Variants in DNMT3A observed in about 807,000 individuals in gnomAD.
DNMT3A encodes the protein DNA methyltransferase 3 alpha, also known as DNA (cytosine-5)-methyltransferase 3A.
In DNMT3A, 267 loss-of-function variants were observed where a neutral mutation model predicts 117.6. The observed-to-expected ratio is 2.27, with a 90% confidence interval of 2.05 to 2.51. The LOEUF (loss-of-function observed/expected upper bound fraction) is 2.51. Ranked by LOEUF, DNMT3A falls within the 30% of genes most tolerant of loss-of-function variation. The probability of loss-of-function intolerance (pLI) is 0.00; values close to 1 mark genes in which losing one functional copy is unlikely to be tolerated. For missense variants in DNMT3A, 1,029 were observed against 1,260.2 expected (o/e 0.82, Z 2.78); for synonymous variants, 432 against 474.8 (o/e 0.91, Z 1.17).
chr2:25,237,100 T>C lies in DNMT3A; in HGVS notation c.2409-95A>G. ...CTCCCCTCCCTCCCCCAGCAGCCAC[T>C]AGTTCACAGGGTAAGAGCCCCTTCC... On this transcript the variant is annotated intron_variant, in intron 20 of 22. Transcript: ENST00000321117. This position sits in a 1 kb window ranked among gnomAD's most constrained non-coding sequence, Gnocchi z 5.4. 7.8e-7 allele frequency: 1 copy of C among 1,276,314 alleles called. No homozygotes were observed. 79.1% of individuals were successfully genotyped at this position (1,276,314 alleles called of 1,614,324 possible). A position where few individuals can be genotyped will look rare whatever the true frequency, so the allele number is the denominator to read the frequency against.
chr2:25,339,461 G>A lies in DNMT3A; in HGVS notation c.-178+2365C>T, dbSNP rs1197474249. ...GTGGGGTAACGAGGGAAGTTTGGTCGGCCTGAATCCGCAGCTGCTTATCTG... is the reference window on the plus strand; with the variant it reads ...GTGGGGTAACGAGGGAAGTTTGGTCAGCCTGAATCCGCAGCTGCTTATCTG... On this transcript the variant is annotated intron_variant, in intron 1 of 22. Transcript: ENST00000321117. The surrounding 1 kb of genome is among the most constrained non-coding windows in gnomAD (Gnocchi z 4.9). 6.6e-6 allele frequency among the ~76,000 whole-genome samples: 1 copy of A among 152,180 alleles called. No individual in the cohort carries two copies. Among genetic ancestry groups the A allele is most frequent in the Non-Finnish European group, 1.5e-5 (1 of 68,036 alleles).
Position 25,248,271 on chromosome 2 carries a change from A to G in DNMT3A, c.640-19T>C, listed in dbSNP as rs1165860436. The G allele has an allele frequency of 6.2e-7, 1 of 1,611,376 alleles. No homozygotes were observed. ...TCTCAGCCTGGGGAAACAAAAAACA[A>G]AAAGTCACCTTGACCTCTCCAGGAA... On this transcript the variant is annotated intron_variant, in intron 6 of 22. Transcript: ENST00000321117.
intron 6 of DNMT3A, among the ~76,000 whole-genome samples, chr2:25,270,746 G>C (rs1573394288): frequency 6.6e-6 from 1 of 152,236 alleles, no homozygotes; most frequent in East Asian, 1.9e-4. Context: ...GGAGGAACCT[G>C]CAGCGGCCTT....
chr2:25,294,492 G>T lies in DNMT3A; in HGVS notation c.177+5647C>A, dbSNP rs1425765735. Among the ~76,000 whole-genome samples the T allele has an allele frequency of 1.3e-5, 2 of 152,114 alleles. No individual in the cohort carries two copies. The highest frequency in any genetic ancestry group is 2.9e-5 in the Non-Finnish European group (2 of 68,030). ...GGGCCAAGGGCTGCAGCCCAGGAGT[G>T]GGAGACACGATGTCAGGAAGTTATA... On this transcript the variant is annotated intron_variant, in intron 3 of 22. Transcript: ENST00000321117. This position sits in a 1 kb window ranked among gnomAD's most constrained non-coding sequence, Gnocchi z 4.7.
rs74324132 is a variant in DNMT3A at position 25,298,040 on chromosome 2, G to A, written c.177+2099C>T. The stretch of plus-strand genomic sequence containing the variant: ...GGTTTGGCCAGGCGGGGGCAGGCCC[G>A]ACCTTTGCTGAGGCTCCTTGGTGCT... On this transcript the variant is annotated intron_variant, in intron 3 of 22. Transcript: ENST00000321117. The surrounding 1 kb of genome is among the most constrained non-coding windows in gnomAD (Gnocchi z 4.3). 1.9e-4 allele frequency among the ~76,000 whole-genome samples: 29 copies of A among 152,258 alleles called. No homozygotes were observed. Among genetic ancestry groups the A allele is most frequent in the African/African-American group, 2.4e-4 (10 of 41,474 alleles).
intron 3 of DNMT3A, among the ~76,000 whole-genome samples, chr2:25,290,180 A>T (rs1170734456): frequency 1.3e-5 from 2 of 151,992 alleles, no homozygotes; most frequent in African/African-American, 4.8e-5. Flanking sequence ...ACAAGGTCTC[A>T]CTCTGCTGCC....
intron 16 of DNMT3A, among the ~76,000 whole-genome samples, chr2:25,243,543 T>C (rs1346452869): frequency 1.3e-5 from 2 of 152,200 alleles, no homozygotes; most frequent in African/African-American, 2.4e-5. Flanking sequence ...TTGTGTATAA[T>C]CAAAACACAA....
rs1005392118 is a variant in DNMT3A, at chr2:25,286,481, A to G, written c.178-3770T>C. ...GGTCCACACCATCCTCTGCCCAACC[A>G]TCCCCTCCTGCTCACCTGCTCTCTC... On this transcript the variant is annotated intron_variant, in intron 3 of 22. Transcript: ENST00000321117. The surrounding 1 kb of genome is among the most constrained non-coding windows in gnomAD (Gnocchi z 4.3). Among the ~76,000 whole-genome samples, 3 of 152,078 alleles carry G rather than the reference A, an allele frequency of 2.0e-5. No individual in the cohort carries two copies. The highest frequency in any genetic ancestry group is 4.4e-5 in the Non-Finnish European group (3 of 68,004).
rs1277337198 is a variant in DNMT3A at position 25,234,509 on chromosome 2, G to A, written c.2598-89C>T. ...TCTAACCACACAGCAGGACCCGGAG[G>A]ACCAGCAGCCACCCGAAGTGCAGGG... is the stretch of plus-strand genomic sequence containing the variant. On this transcript the variant is annotated intron_variant, in intron 22 of 22. Transcript: ENST00000321117. This position sits in a 1 kb window ranked among gnomAD's most constrained non-coding sequence, Gnocchi z 4.5. 7 of 1,455,702 alleles carry A rather than the reference G, an allele frequency of 4.8e-6. No individual in the cohort carries two copies. In the Admixed American group the frequency reaches 9.4e-5, roughly 19 times the overall value. The allele number at this position is 1,455,702 out of a possible 1,614,324, so 90.2% of individuals were successfully genotyped here.
rs569188994 is a variant in DNMT3A at position 25,339,887 on chromosome 2, A to G, written c.-178+1939T>C. On this transcript the variant is annotated intron_variant, in intron 1 of 22. Transcript: ENST00000321117. This position sits in a 1 kb window ranked among gnomAD's most constrained non-coding sequence, Gnocchi z 4.9. ...CTGTCACATCTGCCCGCGAGGGAGG[A>G]GGCGACACTGGAGCAGCACCTGATC... 6.6e-6 allele frequency among the ~76,000 whole-genome samples: 1 copy of G among 152,310 alleles called. No homozygotes were observed. The highest frequency in any genetic ancestry group is 1.9e-4 in the East Asian group (1 of 5,190).
chr2:25,328,537 TCAAA>T, intron 1 of DNMT3A: 1 of 431,484 alleles, frequency 2.3e-6, no homozygotes, highest in Admixed American at 2.5e-5. Flanking sequence ...GTCTGATTTC[TCAAA>T]GAGACGAGGT....
rs774080362 is a variant in DNMT3A, at chr2:25,234,390, G to GT, written c.2627dup (p.Asp876GlufsTer45). ...TCGCCAAGCGGCTCATGTTGGAGACGTCAGTATAGTGGACTGGGAAACCAA... is the reference window on the plus strand; with the variant it reads ...TCGCCAAGCGGCTCATGTTGGAGACGTTCAGTATAGTGGACTGGGAAACCAA... On this transcript the variant is annotated frameshift_variant, in exon 23 of 23. Coordinates refer to ENST00000321117, the MANE Select transcript of DNMT3A (RefSeq NM_022552.5). LOFTEE classifies it high-confidence loss of function. This position sits in a 1 kb window ranked among gnomAD's most constrained non-coding sequence, Gnocchi z 4.5. 1 of 1,614,010 alleles carries GT rather than the reference G, an allele frequency of 6.2e-7. No individual in the cohort carries two copies. Among genetic ancestry groups the GT allele is most frequent in the Non-Finnish European group, 8.5e-7 (1 of 1,179,970 alleles).
Position 25,306,712 on chromosome 2 carries a change from C to T in DNMT3A, c.73-6469G>A, listed in dbSNP as rs1487511690. Among the ~76,000 whole-genome samples, 1 of 152,194 alleles carries T rather than the reference C, an allele frequency of 6.6e-6. No homozygotes were observed. Among genetic ancestry groups the T allele is most frequent in the Non-Finnish European group, 1.5e-5 (1 of 68,026 alleles). On this transcript the variant is annotated intron_variant, in intron 2 of 22. Transcript: ENST00000321117. This position sits in a 1 kb window ranked among gnomAD's most constrained non-coding sequence, Gnocchi z 4.1. Reference sequence around the variant, plus strand: ...AGCAGCACACCTCAGCCCTGTCCACCTCTGAGGTCTCTATGTCACAAGGCC... The same window carrying T: ...AGCAGCACACCTCAGCCCTGTCCACTTCTGAGGTCTCTATGTCACAAGGCC...
rs1421968634 is a variant in DNMT3A, at chr2:25,281,788, G to T, written c.448+653C>A. 1 of 1,065,984 alleles carries T rather than the reference G, an allele frequency of 9.4e-7. No homozygotes were observed. Among genetic ancestry groups the T allele is most frequent in the Non-Finnish European group, 1.1e-6 (1 of 879,750 alleles). 66.0% of individuals were successfully genotyped at this position (1,065,984 alleles called of 1,614,324 possible). On this transcript the variant is annotated intron_variant, in intron 4 of 22. Coordinates refer to ENST00000321117, the MANE Select transcript of DNMT3A (RefSeq NM_022552.5). The surrounding 1 kb of genome is among the most constrained non-coding windows in gnomAD (Gnocchi z 4.8). ...AGTGGGCAACTTTCCAGGCTTCCAG[G>T]GTTAGGCCAAAAAGTCCCCAGATGA... is the stretch of plus-strand genomic sequence containing the variant.
At chr2:25,244,790 C>A in intron 13 of DNMT3A, 138 bp from the exon 14 acceptor site, 2 of 709,082 alleles carry the variant, frequency 2.8e-6, no homozygotes, top group East Asian at 5.4e-5. Flanking sequence ...CAGGGTCAGG[C>A]CCCAGCTGCA....
intron 1 of DNMT3A, among the ~76,000 whole-genome samples, chr2:25,316,507 C>T (rs1278566283): frequency 1.3e-5 from 2 of 152,218 alleles, no homozygotes; most frequent in Non-Finnish European, 2.9e-5. Context: ...ACCTAAAATC[C>T]TCCAGTATGT....
At chr2:25,268,338 G>A (rs1471982537) in intron 6 of DNMT3A, among the ~76,000 whole-genome samples, 1 of 152,142 alleles carries the variant, frequency 6.6e-6, no homozygotes, top group Admixed American at 6.5e-5. Context: ...AGATTAATGA[G>A]CGAGTCATGC....
intron 20 of DNMT3A, among the ~76,000 whole-genome samples, chr2:25,238,546 T>C (rs1315383198): frequency 2.0e-5 from 3 of 152,326 alleles, no homozygotes; most frequent in Middle Eastern, 3.4e-3. Context: ...AAAGCCTTTT[T>C]ATAATGCCAG....
chr2:25,307,131 A>G (rs995489179), intron 2 of DNMT3A, among the ~76,000 whole-genome samples: 2 of 152,248 alleles, frequency 1.3e-5, no homozygotes, highest in Admixed American at 1.3e-4. Context: ...ATTACCGTGC[A>G]GAGAACACTC....
Sources: gnomAD v4.1 joint callset for allele counts (sites outside exome capture counted in the v4.1 genomes callset) on GRCh38, gnomAD v4.1.1 for gene constraint, Gnocchi (gnomAD v3.1) non-coding constraint, MANE v1.5 for transcripts, NCBI Gene and HGNC (gene_info 2026-07-23, HGNC 2026-07-21) for gene names.